The following CDC42SE2 variants were observed in gnomAD, a reference collection of about 807,000 sequenced individuals.
CDC42SE2 encodes CDC42 small effector protein 2.
In CDC42SE2, 3 loss-of-function variants were observed where a neutral mutation model predicts 11.5. That is an observed-to-expected ratio of 0.26 (90% confidence interval 0.12 to 0.67). The LOEUF (loss-of-function observed/expected upper bound fraction) is 0.67. Among genes scored for constraint, CDC42SE2 ranks in the 30% least tolerant of loss-of-function variants. The pLI, the probability that CDC42SE2 is intolerant of heterozygous loss-of-function variation, is 0.80. For synonymous variants in CDC42SE2, 33 were observed against 34.8 expected, an observed-to-expected ratio of 0.95 and a Z score of 0.18; for missense variants, 82 against 106.8, an observed-to-expected ratio of 0.77 and a Z score of 1.02.
upstream of CDC42SE2, among the ~76,000 whole-genome samples, chr5:131,244,650 G>T (rs1756565545): frequency 6.6e-6 from 1 of 152,188 alleles, no homozygotes; most frequent in Admixed American, 6.5e-5. Context: ...GGCAGAAGTT[G>T]CAGTGAGCTG....
At chr5:131,387,855 C>T (rs1249650569) in intron 4 of CDC42SE2, among the ~76,000 whole-genome samples, 2 of 152,180 alleles carry the variant, frequency 1.3e-5, no homozygotes, top group African/African-American at 4.8e-5. Flanking sequence ...TGAAGTATTT[C>T]AGCCCTTTAG....
chr5:131,345,781 T>G (rs1420222556), intron 2 of CDC42SE2, among the ~76,000 whole-genome samples: 4 of 145,776 alleles, frequency 2.7e-5, no homozygotes, highest in Non-Finnish European at 6.1e-5. Flanking sequence ...GGGAAGCCCA[T>G]CAGACTAACA....
chr5:131,357,216 TTTAA>T (rs1236832254), intron 2 of CDC42SE2, among the ~76,000 whole-genome samples: 1 of 152,210 alleles, frequency 6.6e-6, no homozygotes, highest in Admixed American at 6.5e-5. Context: ...GGTTCTGAAT[TTTAA>T]TTAATGGCAA....
At chr5:131,287,197 G>A (rs1757359154) in intron 1 of CDC42SE2, among the ~76,000 whole-genome samples, 1 of 152,030 alleles carries the variant, frequency 6.6e-6, no homozygotes. Context: ...GTTTCACCAT[G>A]TTGGCCATGC....
chr5:131,252,638 A>C (rs1756650642), intron 1 of CDC42SE2, among the ~76,000 whole-genome samples: 1 of 152,220 alleles, frequency 6.6e-6, no homozygotes, highest in Non-Finnish European at 1.5e-5. Context: ...CCTGGGTGAC[A>C]GAGCGAGACT....
Position 131,297,157 on chromosome 5 carries a change from C to CTT in CDC42SE2, c.-454-18804_-454-18803dup, listed in dbSNP as rs5871416. 5.9e-3 allele frequency among the ~76,000 whole-genome samples: 808 copies of CTT among 136,578 alleles called. 6 individuals are homozygous for CTT. The highest frequency in any genetic ancestry group is 0.053 in the Middle Eastern group (14 of 266). 89.6% of individuals were successfully genotyped at this position (136,578 alleles called of 152,430 possible). A position where few individuals can be genotyped will look rare whatever the true frequency, so the allele number is the denominator to read the frequency against. On this transcript the variant is annotated intron_variant, in intron 1 of 4. Coordinates refer to ENST00000505065, the MANE Select transcript of CDC42SE2 (RefSeq NM_001375635.1). ...GACTTCAGATTAAATACTTTATATT[C>CTT]TTTTTTTTTTTTTTTTGCATTTTTG...
intron 1 of CDC42SE2, among the ~76,000 whole-genome samples, chr5:131,251,235 C>A (rs911848483): frequency 6.6e-6 from 1 of 152,050 alleles, no homozygotes; most frequent in Admixed American, 6.5e-5. Flanking sequence ...TTTTGTAGTG[C>A]GCAAAAGAAT....
chr5:131,249,257 A>G (rs1413694720), intron 1 of CDC42SE2, among the ~76,000 whole-genome samples: 1 of 151,570 alleles, frequency 6.6e-6, no homozygotes, highest in Non-Finnish European at 1.5e-5. Flanking sequence ...ACCTCAGGCA[A>G]TCTGCCCACC....
chr5:131,219,279 A>G, the CDC42SE2 span, among the ~76,000 whole-genome samples: 1 of 152,210 alleles, frequency 6.6e-6, no homozygotes, highest in Admixed American at 6.5e-5. Context: ...CATTTTTGTT[A>G]TTGATAATGG....
At chr5:131,350,607 TTGTGTGTGTGTGTG>T (rs753402237) in intron 2 of CDC42SE2, among the ~76,000 whole-genome samples, 1 of 141,788 alleles carries the variant, frequency 7.1e-6, no homozygotes, top group South Asian at 2.2e-4. Flanking sequence ...AAAATTTATT[TTGTGTGTGTGTGTG>T]TGTGTGTGTG....
chr5:131,246,839 G>T (rs183101951), intron 1 of CDC42SE2, among the ~76,000 whole-genome samples: 1 of 151,340 alleles, frequency 6.6e-6, no homozygotes, highest in Non-Finnish European at 1.5e-5. Flanking sequence ...TGCCTCCGGG[G>T]TTCAAGAGAT....
intron 2 of CDC42SE2, among the ~76,000 whole-genome samples, chr5:131,353,824 A>G (rs1186838674): frequency 6.6e-6 from 1 of 152,050 alleles, no homozygotes; most frequent in African/African-American, 2.4e-5. Context: ...AGGCATGAGA[A>G]TTGTTTGAAC....
intron 1 of CDC42SE2, among the ~76,000 whole-genome samples, chr5:131,282,133 C>T (rs918188571): frequency 6.6e-6 from 1 of 152,010 alleles, no homozygotes; most frequent in African/African-American, 2.4e-5. Flanking sequence ...AAATATGTGA[C>T]TTAAAGGAAA....
intron 4 of CDC42SE2, among the ~76,000 whole-genome samples, chr5:131,387,521 C>T (rs527704098): frequency 6.6e-6 from 1 of 152,274 alleles, no homozygotes; most frequent in Admixed American, 6.5e-5. Flanking sequence ...CTCTGAACTC[C>T]AGCCTGGGTG....
chr5:131,317,729 C>T (rs1261004878), intron 2 of CDC42SE2, among the ~76,000 whole-genome samples: 1 of 149,432 alleles, frequency 6.7e-6, no homozygotes, highest in Non-Finnish European at 1.5e-5. Flanking sequence ...ACCTCTTTTT[C>T]TTCTTGAAAA....
intron 3 of CDC42SE2, among the ~76,000 whole-genome samples, chr5:131,370,265 C>T (rs1315740834): frequency 1.3e-5 from 2 of 151,376 alleles, no homozygotes; most frequent in Non-Finnish European, 2.9e-5. Flanking sequence ...AGAAACTCAG[C>T]GAAAAAATTT....
chr5:131,374,597 T>A (rs1750099211), intron 3 of CDC42SE2, among the ~76,000 whole-genome samples: 1 of 151,758 alleles, frequency 6.6e-6, no homozygotes, highest in Non-Finnish European at 1.5e-5. Context: ...TTTTTTTTTT[T>A]AAGCTAAGCA....
At chr5:131,248,388 T>C (rs1049637361) in intron 1 of CDC42SE2, among the ~76,000 whole-genome samples, 2 of 152,114 alleles carry the variant, frequency 1.3e-5, no homozygotes, top group Non-Finnish European at 2.9e-5. Context: ...TCCGCCCATC[T>C]GGCCTCCCAA....
At chr5:131,342,877 G>A (rs1454669954) in intron 2 of CDC42SE2, among the ~76,000 whole-genome samples, 13 of 151,586 alleles carry the variant, frequency 8.6e-5, no homozygotes, top group Middle Eastern at 3.5e-3. Context: ...CACACCTGGC[G>A]AATGTTTGTA....
Sources: allele counts gnomAD v4.1 joint callset (sites outside exome capture counted in the v4.1 genomes callset), GRCh38; gene constraint gnomAD v4.1.1; transcripts MANE v1.5; gene names NCBI Gene and HGNC (gene_info 2026-07-23, HGNC 2026-07-21).